ACSS3: variants seen among roughly 807,000 people sequenced by gnomAD.
The protein encoded by ACSS3 is acyl-CoA synthetase short chain family member 3, also known as acyl-CoA synthetase short-chain family member 3, mitochondrial.
Under a neutral mutation model 84.2 loss-of-function variants are expected in ACSS3, and 64 were observed. The ratio of observed to expected loss-of-function variants is 0.76; its 90% CI spans 0.62 to 0.94. ACSS3 has a LOEUF of 0.94. ACSS3 is among the 40% of genes least tolerant of loss of function. The pLI is 0.00. For synonymous variants in ACSS3, 317 were observed against 310.1 expected (o/e 1.02, Z -0.23); for missense variants, 815 against 867.6 (o/e 0.94, Z 0.76).
chr12:81,084,629 A>G (rs1322984939), intron 1 of ACSS3, among the ~76,000 whole-genome samples: 1 of 152,100 alleles, frequency 6.6e-6, no homozygotes, highest in Non-Finnish European at 1.5e-5. Flanking sequence ...AGGGAAGAGA[A>G]GAGGAAAATA....
At chr12:81,172,426 C>T (rs1174818969) in intron 7 of ACSS3, among the ~76,000 whole-genome samples, 1 of 152,160 alleles carries the variant, frequency 6.6e-6, no homozygotes, top group East Asian at 1.9e-4. Context: ...CACAGTTGTT[C>T]TGTCCCTGGA....
At chr12:81,224,574 ATGTGTGTG>A (rs72129467) in intron 11 of ACSS3, among the ~76,000 whole-genome samples, 46 of 71,938 alleles carry the variant, frequency 6.4e-4, no homozygotes, top group African/African-American at 2.2e-3. Flanking sequence ...ACACACACAC[ATGTGTGTG>A]TGTGTGTGTG....
chr12:81,159,894 T>TC (rs1432404325), intron 7 of ACSS3, among the ~76,000 whole-genome samples: 1 of 152,218 alleles, frequency 6.6e-6, no homozygotes, highest in African/African-American at 2.4e-5. Context: ...AGAATCAAAA[T>TC]CCAACACATT....
chr12:81,169,382 A>T (rs532973588), intron 7 of ACSS3, among the ~76,000 whole-genome samples: 3 of 152,302 alleles, frequency 2.0e-5, no homozygotes, highest in African/African-American at 7.2e-5. Flanking sequence ...AAGCAACATA[A>T]TGTTTTGAAA....
intron 8 of ACSS3, among the ~76,000 whole-genome samples, chr12:81,183,295 CAAAACAAA>C (rs1290756441): frequency 6.6e-6 from 1 of 151,516 alleles, no homozygotes; most frequent in Non-Finnish European, 1.5e-5. Context: ...ATGGCAACCA[CAAAACAAA>C]AATCTACAAC....
chr12:81,130,847 G>A (rs1242255765), intron 2 of ACSS3, among the ~76,000 whole-genome samples: 1 of 152,112 alleles, frequency 6.6e-6, no homozygotes, highest in African/African-American at 2.4e-5. Flanking sequence ...TCTACATATA[G>A]CTAGCCAGTT....
chr12:81,173,253 G>A (rs570833598), intron 7 of ACSS3, among the ~76,000 whole-genome samples: 1 of 152,328 alleles, frequency 6.6e-6, no homozygotes, highest in Admixed American at 6.5e-5. Flanking sequence ...TTATGTACAT[G>A]TGTTGCCAGG....
chr12:81,192,082 T>C (rs1375073414), intron 8 of ACSS3, among the ~76,000 whole-genome samples: 1 of 152,158 alleles, frequency 6.6e-6, no homozygotes, highest in East Asian at 1.9e-4. Flanking sequence ...ATCACTGTTA[T>C]AAGAAAATAG....
chr12:81,162,038 C>T (rs1432052681), intron 7 of ACSS3, among the ~76,000 whole-genome samples: 1 of 152,202 alleles, frequency 6.6e-6, no homozygotes, highest in African/African-American at 2.4e-5. Flanking sequence ...TTCTCTCCTT[C>T]TTGTCACCCA....
intron 13 of ACSS3, among the ~76,000 whole-genome samples, chr12:81,243,197 CA>C (rs1175112557): frequency 2.5e-4 from 38 of 152,276 alleles, no homozygotes; most frequent in East Asian, 1.7e-3. Context: ...AAATCACAGG[CA>C]TTCTTATACA....
chr12:81,177,555 AC>A lies in ACSS3; in HGVS notation c.1250+2618del, dbSNP rs2030581441. ...CACAAAATGGGAGAAAATTTTCACA[AC>A]CTACTCATCTGACAAAGGGCTAATA... On this transcript the variant is annotated intron_variant, in intron 8 of 15. Coordinates refer to ENST00000548058, the MANE Select transcript of ACSS3 (RefSeq NM_024560.4). 2.6e-5 allele frequency among the ~76,000 whole-genome samples: 4 copies of A among 152,308 alleles called. No homozygotes were observed. In the South Asian group the frequency reaches 8.3e-4, roughly 32 times the overall value.
At chr12:81,080,080 GC>G (rs1289951352) in intron 1 of ACSS3, among the ~76,000 whole-genome samples, 5 of 152,170 alleles carry the variant, frequency 3.3e-5, no homozygotes, top group African/African-American at 1.2e-4. Flanking sequence ...ATTTTATGTG[GC>G]CATCTCCATT....
In ACSS3 at chr12:81,143,125, C is replaced by T. The variant is rs1886172530; in HGVS notation, c.799C>T (p.Pro267Ser). ...TGTGTAGGAGGCGGTTCCTTTGGCTCCCGGTCGTGACCTTGATTGGGATGA... is the reference window on the plus strand; with the variant it reads ...TGTGTAGGAGGCGGTTCCTTTGGCTTCCGGTCGTGACCTTGATTGGGATGA... ...RPNMEAVPLA[P>S]GRDLDWDEEM... Residue 267 changes from proline (P) to serine (S), a missense_variant, in exon 5 of 16, where the codon CCC becomes TCC. By Grantham distance (74) the Pro-to-Ser change is moderately conservative. Transcript: ENST00000548058. 1 of 1,612,886 alleles carries T rather than the reference C, an allele frequency of 6.2e-7. No individual in the cohort carries two copies. Among genetic ancestry groups the T allele is most frequent in the Non-Finnish European group, 8.5e-7 (1 of 1,179,168 alleles).
At position 81,151,889 on chromosome 12, in the gene ACSS3, T is replaced by G. The variant is rs773907259; in HGVS notation, c.967T>G (p.Ser323Ala). 1 of 1,613,938 alleles carries G rather than the reference T, an allele frequency of 6.2e-7. No individual in the cohort carries two copies. The change falls in exon 6 of 16, where the codon TCA becomes GCA. Residue 323 changes from serine to alanine, a missense_variant. Coordinates refer to ENST00000548058, the MANE Select transcript of ACSS3 (RefSeq NM_024560.4). ...TGGYAVMLHW[S>A]MSSIYGLQPG... ...GGGATACGCTGTCATGCTACACTGGTCAATGTCTTCCATATACGGACTTCA... is the reference window on the plus strand; with the variant it reads ...GGGATACGCTGTCATGCTACACTGGGCAATGTCTTCCATATACGGACTTCA...
intron 7 of ACSS3, 79 bp from the exon 8 acceptor site, chr12:81,174,709 G>A (rs1209469175): frequency 1.0e-5 from 14 of 1,403,624 alleles, no homozygotes; most frequent in Admixed American, 2.1e-5. Context: ...ATATTGTTGT[G>A]TTAAATGTAT....
In ACSS3 at chr12:81,260,708, A is replaced by G. The variant is rs1243915575; in HGVS notation, c.*5786A>G. 1.3e-5 allele frequency: 2 copies of G among 152,216 alleles called. No homozygotes were observed. The highest frequency in any genetic ancestry group is 6.5e-5 in the Admixed American group (1 of 15,276). The allele number at this position is 152,216 out of a possible 1,614,324, so 9.4% of individuals were successfully genotyped here. ...CCATCCTAAGCCCAAAAGACCAACA[A>G]TAAATTGTGTGGCACTTTTAGTTCA... On this transcript the variant is annotated 3_prime_UTR_variant, in exon 16 of 16. Transcript: ENST00000548058.
chr12:81,108,512 C>G (rs1883284568), intron 1 of ACSS3, among the ~76,000 whole-genome samples: 1 of 151,860 alleles, frequency 6.6e-6, no homozygotes. Flanking sequence ...CTTCTGACCT[C>G]GTGATCCACC....
intron 3 of ACSS3, among the ~76,000 whole-genome samples, chr12:81,136,886 T>A (rs1184002842): frequency 6.6e-6 from 1 of 151,532 alleles, no homozygotes; most frequent in Non-Finnish European, 1.5e-5. Flanking sequence ...GTGGGCAATA[T>A]GAAGGGGAAA....
At chr12:81,228,246 T>A (rs1371289288) in intron 11 of ACSS3, among the ~76,000 whole-genome samples, 1 of 151,852 alleles carries the variant, frequency 6.6e-6, no homozygotes, top group Non-Finnish European at 1.5e-5. Context: ...AGTTCTACGT[T>A]AAATTTCAGG....
Sources: allele counts gnomAD v4.1 joint callset (sites outside exome capture counted in the v4.1 genomes callset), GRCh38; gene constraint gnomAD v4.1.1; transcripts MANE v1.5; gene names NCBI Gene and HGNC (gene_info 2026-07-23, HGNC 2026-07-21).